The following EIF4G3 variants were observed in gnomAD, a reference collection of about 807,000 sequenced individuals.
The protein encoded by EIF4G3 is eIF-4-gamma 3.
In EIF4G3, 34 loss-of-function variants were observed where a neutral mutation model predicts 186.4. The observed-to-expected ratio is 0.18, with a 90% CI of 0.14 to 0.24. EIF4G3 has a LOEUF of 0.24. Ranked by LOEUF, EIF4G3 falls within the 10% of genes least tolerant of loss-of-function variation. The pLI, the probability that EIF4G3 is intolerant of heterozygous loss-of-function variation, is 1.00. For missense variants in EIF4G3, 1,536 were observed against 1,948.5 expected, an observed-to-expected ratio of 0.79 and a Z score of 3.99; for synonymous variants, 673 against 679.5, an observed-to-expected ratio of 0.99 and a Z score of 0.15.
At chr1:20,853,445 T>C (rs1176678644) in intron 27 of EIF4G3, 115 bp downstream of exon 27, 3 of 626,740 alleles carry the variant, frequency 4.8e-6, no homozygotes, top group African/African-American at 3.7e-5. Context: ...AAATCAACTT[T>C]AGGAATAAAA....
chr1:20,982,891 G>A (rs2078609356), intron 7 of EIF4G3, among the ~76,000 whole-genome samples: 1 of 152,120 alleles, frequency 6.6e-6, no homozygotes, highest in Non-Finnish European at 1.5e-5. Context: ...AGACTTGCTT[G>A]CTCTTTTTAA....
intron 2 of EIF4G3, among the ~76,000 whole-genome samples, chr1:21,172,319 C>G (rs2097996392): frequency 6.6e-6 from 1 of 152,146 alleles, no homozygotes; most frequent in African/African-American, 2.4e-5. Context: ...CCAGACTACT[C>G]TCACAGCAGA....
chr1:21,099,309 A>T (rs947517344), intron 2 of EIF4G3, among the ~76,000 whole-genome samples: 20 of 152,234 alleles, frequency 1.3e-4, no homozygotes, highest in African/African-American at 4.8e-4. Context: ...CAAAACCCTG[A>T]ACACAAATGC....
chr1:20,982,426 G>A lies in EIF4G3; in HGVS notation c.178-18C>T, dbSNP rs1477075298. ...AATCCTCCCTTCAAATATGAAGCAAGAAAGCAGCAGGAAACAGAAAGAAAG... is the reference window on the plus strand; with the variant it reads ...AATCCTCCCTTCAAATATGAAGCAAAAAAGCAGCAGGAAACAGAAAGAAAG... On this transcript the variant is annotated intron_variant, in intron 7 of 36. Transcript: ENST00000602326. 3.3e-5 allele frequency: 50 copies of A among 1,524,504 alleles called. No individual in the cohort carries two copies. Among genetic ancestry groups the A allele is most frequent in the East Asian group, 2.0e-4 (8 of 39,840 alleles). 94.4% of individuals were successfully genotyped at this position (1,524,504 alleles called of 1,614,324 possible).
intron 3 of EIF4G3, among the ~76,000 whole-genome samples, chr1:21,080,818 C>T (rs1383112652): frequency 6.6e-6 from 1 of 152,026 alleles, no homozygotes; most frequent in Non-Finnish European, 1.5e-5. Context: ...GTGAATTTTT[C>T]ATAAGCAGTT....
At chr1:21,036,174 C>T (rs747040313) in intron 4 of EIF4G3, among the ~76,000 whole-genome samples, 3 of 151,250 alleles carry the variant, frequency 2.0e-5, no homozygotes, top group Non-Finnish European at 4.4e-5. Context: ...GCTGCAGAGA[C>T]AATGGGACAA....
At chr1:21,125,760 TTATATA>T (rs1021310033) in intron 2 of EIF4G3, among the ~76,000 whole-genome samples, 1 of 115,458 alleles carries the variant, frequency 8.7e-6, no homozygotes, top group African/African-American at 3.5e-5. Context: ...TATAATTTTT[TTATATA>T]TATATACACA....
At chr1:21,145,312 A>G (rs530905125) in intron 2 of EIF4G3, among the ~76,000 whole-genome samples, 2 of 132,404 alleles carry the variant, frequency 1.5e-5, no homozygotes, top group East Asian at 5.4e-4. Flanking sequence ...TCAGAGCTAA[A>G]AAACAAAACA....
At chr1:21,072,626 TCTC>T (rs1308906325) in intron 3 of EIF4G3, among the ~76,000 whole-genome samples, 1 of 152,014 alleles carries the variant, frequency 6.6e-6, no homozygotes, top group African/African-American at 2.4e-5. Flanking sequence ...ATGGTCTCGA[TCTC>T]CTGACCTCGT....
rs1390274688 is a variant in EIF4G3 at position 21,137,661 on chromosome 1, T to C, written c.-272+38514A>G. Among the ~76,000 whole-genome samples, 8 of 151,364 alleles carry C rather than the reference T, an allele frequency of 5.3e-5. No homozygotes were observed. The South Asian group carries it at 6.3e-4, about 12-fold the overall frequency. On this transcript the variant is annotated intron_variant, in intron 2 of 36. Coordinates refer to ENST00000602326, the MANE Select transcript of EIF4G3 (RefSeq NM_001391906.1). Reference sequence around the variant, plus strand: ...TTATCTTTACAAAATTAAAAAATAATAATAACAATAATAGCCAGGCATGGT... The same window carrying C: ...TTATCTTTACAAAATTAAAAAATAACAATAACAATAATAGCCAGGCATGGT...
chr1:21,041,951 G>C (rs909058752), intron 4 of EIF4G3, among the ~76,000 whole-genome samples: 1 of 151,624 alleles, frequency 6.6e-6, no homozygotes, highest in Non-Finnish European at 1.5e-5. Context: ...AAAGTTTGTT[G>C]GTTTAGTGAG....
At chr1:20,895,628 G>T in intron 16 of EIF4G3, 127 bp from the exon 17 acceptor site, 4 of 1,049,996 alleles carry the variant, frequency 3.8e-6, no homozygotes, top group Non-Finnish European at 4.0e-6. Flanking sequence ...AGCCCATAAG[G>T]CTATAATGAA....
intron 2 of EIF4G3, among the ~76,000 whole-genome samples, chr1:21,098,926 T>C (rs1050604591): frequency 6.6e-6 from 1 of 152,186 alleles, no homozygotes; most frequent in Non-Finnish European, 1.5e-5. Context: ...CACGACCCAC[T>C]GTGCCTAGCC....
chr1:21,113,306 G>C (rs748781711), intron 2 of EIF4G3, among the ~76,000 whole-genome samples: 18 of 151,876 alleles, frequency 1.2e-4, no homozygotes, highest in Non-Finnish European at 2.5e-4. Flanking sequence ...TTCTTAGGCT[G>C]AATGATTTTT....
intron 12 of EIF4G3, among the ~76,000 whole-genome samples, chr1:20,958,582 C>A (rs2096494021): frequency 6.6e-6 from 1 of 151,950 alleles, no homozygotes; most frequent in Non-Finnish European, 1.5e-5. Context: ...TAAAGGGCAT[C>A]CAAATTGGAA....
intron 15 of EIF4G3, among the ~76,000 whole-genome samples, chr1:20,902,737 T>C (rs1055606361): frequency 3.3e-5 from 5 of 152,170 alleles, no homozygotes; most frequent in African/African-American, 1.2e-4. Flanking sequence ...GCCTTCTGGG[T>C]TCAAGTGATT....
intron 4 of EIF4G3, among the ~76,000 whole-genome samples, chr1:21,019,782 G>A (rs1470552417): frequency 6.6e-6 from 1 of 152,130 alleles, no homozygotes; most frequent in African/African-American, 2.4e-5. Flanking sequence ...AACTAGGGAG[G>A]CTGAGGCAGG....
At chr1:21,065,588 AAAG>A (rs2095201686) in intron 3 of EIF4G3, among the ~76,000 whole-genome samples, 1 of 151,874 alleles carries the variant, frequency 6.6e-6, no homozygotes, top group Non-Finnish European at 1.5e-5. Context: ...GGGAAGAAAA[AAAG>A]AAAAAAATGA....
chr1:20,968,175 CT>C (rs34957284), intron 12 of EIF4G3, among the ~76,000 whole-genome samples: 3,643 of 140,586 alleles, frequency 0.026, 54 homozygotes, highest in Non-Finnish European at 0.032. Flanking sequence ...AAATACAAAT[CT>C]TTTTTTTTTT....
Sources: allele counts gnomAD v4.1 joint callset (sites outside exome capture counted in the v4.1 genomes callset), GRCh38; gene constraint gnomAD v4.1.1; transcripts MANE v1.5; gene names NCBI Gene and HGNC (gene_info 2026-07-23, HGNC 2026-07-21).